Variants in RGS22 observed in about 807,000 individuals in gnomAD.
RGS22 encodes the protein regulator of G protein signaling 22.
RGS22 carries 148 observed loss-of-function variants against 172.9 expected under a neutral mutation model. The observed-to-expected ratio is 0.86, with a 90% confidence interval of 0.75 to 0.98. RGS22 has a LOEUF of 0.98. RGS22 is among the 50% of genes least tolerant of loss of function. RGS22 has a pLI of 0.00. For missense variants in RGS22, 1,347 were observed against 1,440.8 expected (o/e 0.93, Z 1.05); for synonymous variants, 458 against 480.2 (o/e 0.95, Z 0.60).
chr8:99,980,115 A>T (rs1021981997), intron 22 of RGS22, among the ~76,000 whole-genome samples: 6 of 152,182 alleles, frequency 3.9e-5, no homozygotes, highest in Non-Finnish European at 8.8e-5. Flanking sequence ...TTATTTGTAG[A>T]GACAGGATCT....
At chr8:100,024,808 A>G (rs1369652525) in intron 14 of RGS22, among the ~76,000 whole-genome samples, 1 of 152,146 alleles carries the variant, frequency 6.6e-6, no homozygotes, top group African/African-American at 2.4e-5. Context: ...CCTAAGTCTC[A>G]GTTTCCAAAT....
chr8:100,026,816 G>A (rs1271208679), intron 14 of RGS22, among the ~76,000 whole-genome samples: 2 of 152,206 alleles, frequency 1.3e-5, no homozygotes, highest in Non-Finnish European at 2.9e-5. Context: ...GAGAAAAAAG[G>A]AAACAGTTCC....
chr8:99,981,909 T>G (rs762793028), intron 22 of RGS22, 28 bp downstream of exon 22: 1 of 1,573,354 alleles, frequency 6.4e-7, no homozygotes, highest in African/African-American at 1.4e-5. Context: ...TTTTAAAATA[T>G]GCTTAGCCAC....
At chr8:100,079,193 C>T (rs552408404) in intron 4 of RGS22, among the ~76,000 whole-genome samples, 2 of 152,280 alleles carry the variant, frequency 1.3e-5, no homozygotes, top group Non-Finnish European at 1.5e-5. Context: ...CATTGTCCCA[C>T]CTAGTAAAAA....
intron 23 of RGS22, 71 bp downstream of exon 23, chr8:99,977,846 T>C (rs1812141752): frequency 7.6e-7 from 1 of 1,312,554 alleles, no homozygotes; most frequent in East Asian, 2.6e-5. Context: ...CCAGACAAAA[T>C]TATTCTATAA....
rs765430343 is a variant in RGS22, at chr8:100,063,564, T to C, written c.1204A>G (p.Ile402Val). The change falls in exon 8 of 28, where the codon ATT becomes GTT. Residue 402 changes from isoleucine (I) to valine (V), a missense_variant. By Grantham distance (29) the Ile-to-Val change is conservative. Coordinates refer to ENST00000360863, the MANE Select transcript of RGS22 (RefSeq NM_015668.5). ...CCAATGTCATAAGTCCTATGAGAAA[T>C]ACACCAGTCCGCCCTGCTCTCTGGT... ...AGPESRADWC[I>V]SHRTYDIGNR... 8 of 1,613,974 alleles carry C rather than the reference T, an allele frequency of 5.0e-6. No individual in the cohort carries two copies. The South Asian group carries it at 8.8e-5, about 18-fold the overall frequency.
chr8:99,997,433 GTT>G (rs1239656115), intron 19 of RGS22, among the ~76,000 whole-genome samples: 4 of 152,176 alleles, frequency 2.6e-5, no homozygotes, highest in Non-Finnish European at 5.9e-5. Flanking sequence ...GGAGATTTGA[GTT>G]TTCCCAAAGC....
chr8:99,962,644 AAAAG>A (rs1309396696), intron 26 of RGS22, 39 bp downstream of exon 26: 1 of 1,563,116 alleles, frequency 6.4e-7, no homozygotes. Context: ...AACTCCATCA[AAAAG>A]AAAGAAACAA....
At chr8:100,053,468 G>A (rs1359495451) in intron 9 of RGS22, among the ~76,000 whole-genome samples, 2 of 147,718 alleles carry the variant, frequency 1.4e-5, no homozygotes, top group Non-Finnish European at 3.0e-5. Flanking sequence ...GAGAGAGGGA[G>A]GGAGGGAGGG....
chr8:99,961,879 C>A (rs1311373397), intron 27 of RGS22, among the ~76,000 whole-genome samples: 1 of 152,104 alleles, frequency 6.6e-6, no homozygotes, highest in Non-Finnish European at 1.5e-5. Context: ...AGCTAATCTA[C>A]AAGCAAAATA....
Position 99,978,067 on chromosome 8 carries a change from A to G in RGS22, c.3369T>C (p.Ile1123=). 6.6e-7 allele frequency: 1 copy of G among 1,510,542 alleles called. No homozygotes were observed. Among genetic ancestry groups the G allele is most frequent in the African/African-American group, 1.4e-5 (1 of 69,122 alleles). The allele number at this position is 1,510,542 out of a possible 1,614,324, so 93.6% of individuals were successfully genotyped here. ...GCCAGAATTTAAACAGAACCCCAAAAATTGTCATCTGTATAAAAAAAAGTC... is the reference window on the plus strand; with the variant it reads ...GCCAGAATTTAAACAGAACCCCAAAGATTGTCATCTGTATAAAAAAAAGTC... The part of the protein sequence containing the change: ...PYVFREAQMT[I]FGVLFKFWPQ... Residue 1123 remains isoleucine, a synonymous_variant, in exon 23 of 28, where the codon ATT becomes ATC. Coordinates refer to ENST00000360863, the MANE Select transcript of RGS22 (RefSeq NM_015668.5).
intron 19 of RGS22, among the ~76,000 whole-genome samples, chr8:99,997,373 T>C (rs1814506961): frequency 6.6e-6 from 1 of 152,228 alleles, no homozygotes; most frequent in Non-Finnish European, 1.5e-5. Flanking sequence ...AAATGTCCTT[T>C]TACTTGACTT....
chr8:99,988,144 ATAT>A (rs1261413267), intron 20 of RGS22, among the ~76,000 whole-genome samples: 8 of 151,462 alleles, frequency 5.3e-5, no homozygotes, highest in Non-Finnish European at 1.0e-4. Flanking sequence ...TATCCTGAAA[ATAT>A]TATATTTTTA....
chr8:100,032,380 A>T (rs1397704703), intron 14 of RGS22, among the ~76,000 whole-genome samples: 2 of 152,196 alleles, frequency 1.3e-5, no homozygotes, highest in African/African-American at 4.8e-5. Context: ...GTCTCTGATA[A>T]AACAGACTTT....
intron 14 of RGS22, among the ~76,000 whole-genome samples, chr8:100,011,638 G>A (rs1816397469): frequency 6.6e-6 from 1 of 152,150 alleles, no homozygotes; most frequent in East Asian, 1.9e-4. Flanking sequence ...AACATCCTAA[G>A]CTCTCAAAAC....
intron 18 of RGS22, among the ~76,000 whole-genome samples, chr8:100,001,202 T>TTATATATATATATATATATATACA (rs140189906): frequency 2.9e-4 from 36 of 124,750 alleles, no homozygotes; most frequent in African/African-American, 9.2e-4. Context: ...TCCCAATTTT[T>TTATATATATATATATATATATACA]TATATATATA....
At position 100,064,158 on chromosome 8, in the gene RGS22, A is replaced by G. The variant is rs567766425; in HGVS notation, c.725-115T>C. 10 of 744,216 alleles carry G rather than the reference A, an allele frequency of 1.3e-5. No individual in the cohort carries two copies. The East Asian group carries it at 2.5e-4, about 19-fold the overall frequency. The allele number at this position is 744,216 out of a possible 1,614,324, so 46.1% of individuals were successfully genotyped here. On this transcript the variant is annotated intron_variant, in intron 7 of 27. Coordinates refer to ENST00000360863, the MANE Select transcript of RGS22 (RefSeq NM_015668.5). The stretch of plus-strand genomic sequence containing the variant: ...TGGGTTTATCATAGGTAGTGACTGC[A>G]TGGACCGGTGTCTTAAGAAGGATTC...
At chr8:100,001,948 T>A (rs1815136875) in intron 18 of RGS22, among the ~76,000 whole-genome samples, 1 of 152,128 alleles carries the variant, frequency 6.6e-6, no homozygotes, top group Non-Finnish European at 1.5e-5. Context: ...AGTCAATGAG[T>A]AGGTGAATAA....
chr8:100,085,289 A>G (rs527889036), intron 3 of RGS22, among the ~76,000 whole-genome samples: 1 of 152,276 alleles, frequency 6.6e-6, no homozygotes, highest in South Asian at 2.1e-4. Flanking sequence ...ATAATATCCT[A>G]TTTAATATAT....
Sources: gnomAD v4.1 joint callset for allele counts (sites outside exome capture counted in the v4.1 genomes callset) on GRCh38, gnomAD v4.1.1 for gene constraint, MANE v1.5 for transcripts, NCBI Gene and HGNC (gene_info 2026-07-23, HGNC 2026-07-21) for gene names.